The following ZNF804B variants were observed in gnomAD, a reference collection of about 807,000 sequenced individuals.
The protein encoded by ZNF804B is zinc finger protein 804B.
Under a neutral mutation model 101.4 loss-of-function variants are expected in ZNF804B, and 80 were observed. The ratio of observed to expected loss-of-function variants is 0.79; its 90% CI spans 0.66 to 0.95. ZNF804B has a LOEUF of 0.95. Among genes scored for constraint, ZNF804B ranks in the 40% least tolerant of loss-of-function variants. ZNF804B has a pLI of 0.00. For missense variants in ZNF804B, 1,673 were observed against 1,561.9 expected, an observed-to-expected ratio of 1.07 and a Z score of -1.20; for synonymous variants, 622 against 558.8, an observed-to-expected ratio of 1.11 and a Z score of -1.59.
At chr7:88,812,047 A>G (rs1273809914) in intron 1 of ZNF804B, among the ~76,000 whole-genome samples, 1 of 152,096 alleles carries the variant, frequency 6.6e-6, no homozygotes, top group Non-Finnish European at 1.5e-5. Flanking sequence ...TACACTGGAA[A>G]TCTCCGCTTC....
intron 1 of ZNF804B, among the ~76,000 whole-genome samples, chr7:88,941,410 A>C (rs562277924): frequency 1.3e-5 from 2 of 152,074 alleles, no homozygotes; most frequent in Non-Finnish European, 1.5e-5. Flanking sequence ...CATTTAGATA[A>C]GGGAATATTA....
intron 2 of ZNF804B, among the ~76,000 whole-genome samples, chr7:89,269,326 T>A (rs1418762267): frequency 6.6e-6 from 1 of 152,166 alleles, no homozygotes; most frequent in Non-Finnish European, 1.5e-5. Flanking sequence ...TGGTTTTTTG[T>A]CCTTGTGATA....
chr7:88,836,154 C>T (rs1791212526), intron 1 of ZNF804B, among the ~76,000 whole-genome samples: 1 of 151,914 alleles, frequency 6.6e-6, no homozygotes, highest in Admixed American at 6.6e-5. Context: ...AATTAGTTAA[C>T]ACCACGTTTT....
chr7:88,865,412 G>GT (rs1473269737), intron 1 of ZNF804B, among the ~76,000 whole-genome samples: 1 of 151,800 alleles, frequency 6.6e-6, no homozygotes, highest in African/African-American at 2.4e-5. Flanking sequence ...TGCACCTGTG[G>GT]TCCCAGCTAC....
At chr7:88,897,968 T>G (rs975282524) in intron 1 of ZNF804B, among the ~76,000 whole-genome samples, 1 of 151,488 alleles carries the variant, frequency 6.6e-6, no homozygotes, top group Admixed American at 6.6e-5. Flanking sequence ...TACCTTCATA[T>G]CTACTGAAAT....
intron 1 of ZNF804B, among the ~76,000 whole-genome samples, chr7:88,981,929 T>C (rs1793699234): frequency 6.6e-6 from 1 of 152,052 alleles, no homozygotes; most frequent in Admixed American, 6.6e-5. Context: ...CTTTCCTTGA[T>C]ATGATGTTAA....
chr7:89,272,760 A>C (rs1340298269), intron 2 of ZNF804B, among the ~76,000 whole-genome samples: 3 of 152,132 alleles, frequency 2.0e-5, no homozygotes, highest in Admixed American at 2.0e-4. Flanking sequence ...ATAGGTGGAA[A>C]GTTTTCTTAA....
rs869050718 is a variant in ZNF804B at position 88,898,073 on chromosome 7, C to CTTTTT, written c.108+138016_108+138020dup. Among the ~76,000 whole-genome samples the CTTTTT allele has an allele frequency of 8.1e-4, 46 of 56,594 alleles. 8 individuals carry two copies. Among genetic ancestry groups the CTTTTT allele is most frequent in the Non-Finnish European group, 1.1e-3 (38 of 33,354 alleles). The allele number at this position is 56,594 out of a possible 152,430, so 37.1% of individuals were successfully genotyped here. A position where few individuals can be genotyped will look rare whatever the true frequency, so the allele number is the denominator to read the frequency against. On this transcript the variant is annotated intron_variant, in intron 1 of 3. Transcript: ENST00000333190. ...CCTCCTTCCTATATTACTTCTCCATCTTTTTTTTTTTTTTTTTTTTTTTTT... is the reference window on the plus strand; with the variant it reads ...CCTCCTTCCTATATTACTTCTCCATCTTTTTTTTTTTTTTTTTTTTTTTTTTTTTT...
chr7:88,942,538 T>C (rs979584968), intron 1 of ZNF804B, among the ~76,000 whole-genome samples: 4 of 148,862 alleles, frequency 2.7e-5, no homozygotes, highest in Admixed American at 1.3e-4. Context: ...GTGTTTTGCA[T>C]TGAATTATCG....
chr7:88,782,605 T>C (rs960186451), intron 1 of ZNF804B, among the ~76,000 whole-genome samples: 7 of 152,166 alleles, frequency 4.6e-5, no homozygotes, highest in Admixed American at 1.3e-4. Context: ...ATCAAAGAGA[T>C]ATTTTGATGC....
At chr7:89,059,564 G>A (rs758680817) in intron 1 of ZNF804B, among the ~76,000 whole-genome samples, 10 of 152,122 alleles carry the variant, frequency 6.6e-5, no homozygotes, top group Non-Finnish European at 1.3e-4. Context: ...CCATGATCCA[G>A]TACCTCCCAC....
chr7:89,210,332 G>A (rs1038505975), intron 1 of ZNF804B, among the ~76,000 whole-genome samples: 6 of 152,046 alleles, frequency 3.9e-5, no homozygotes, highest in African/African-American at 1.4e-4. Context: ...AAATTTGCTA[G>A]CTTTATTTTT....
At chr7:89,118,213 C>G (rs75278214) in intron 1 of ZNF804B, among the ~76,000 whole-genome samples, 5,369 of 152,206 alleles carry the variant, frequency 0.035, 102 homozygotes, top group African/African-American at 0.048. Context: ...TTCATATTCC[C>G]ATTTTAAAGT....
At chr7:88,839,296 C>A (rs755983433) in intron 1 of ZNF804B, among the ~76,000 whole-genome samples, 4 of 151,926 alleles carry the variant, frequency 2.6e-5, no homozygotes, top group Non-Finnish European at 5.9e-5. Flanking sequence ...ATATTAGGTA[C>A]CAGGCTAAGT....
rs1474321570 is a variant in ZNF804B at position 89,102,956 on chromosome 7, T to C, written c.109-115199T>C. Among the ~76,000 whole-genome samples the C allele has an allele frequency of 2.0e-5, 3 of 151,364 alleles. No individual in the cohort carries two copies. The East Asian group carries it at 5.8e-4, about 29-fold the overall frequency. The stretch of plus-strand genomic sequence containing the variant: ...TGAATAGGATGTCCTTTCCCAATTG[T>C]TTATTTTTGTTGACATTATCAAAGA... On this transcript the variant is annotated intron_variant, in intron 1 of 3. Coordinates refer to ENST00000333190, the MANE Select transcript of ZNF804B (RefSeq NM_181646.5).
chr7:88,884,596 C>T (rs1374020074), intron 1 of ZNF804B, among the ~76,000 whole-genome samples: 1 of 151,788 alleles, frequency 6.6e-6, no homozygotes, highest in Non-Finnish European at 1.5e-5. Flanking sequence ...AGACAAGAAG[C>T]TTGGCATTTT....
At chr7:88,855,031 T>A (rs1263222353) in intron 1 of ZNF804B, among the ~76,000 whole-genome samples, 1 of 152,078 alleles carries the variant, frequency 6.6e-6, no homozygotes, top group African/African-American at 2.4e-5. Context: ...TGGTTCCAAG[T>A]CTTTGCTATT....
chr7:89,181,855 G>C (rs1788303099), intron 1 of ZNF804B, among the ~76,000 whole-genome samples: 1 of 152,126 alleles, frequency 6.6e-6, no homozygotes, highest in South Asian at 2.1e-4. Flanking sequence ...CTTATGATTT[G>C]TTCCCTTATT....
chr7:89,218,281 C>A lies in ZNF804B; in HGVS notation c.235C>A (p.His79Asn). 1 of 1,613,588 alleles carries A rather than the reference C, an allele frequency of 6.2e-7. No individual in the cohort carries two copies. The highest frequency in any genetic ancestry group is 1.1e-5 in the South Asian group (1 of 91,000). ...TGACAATCATATTAATTCTTATGAC[C>A]ATGCTCATAAGCAGGTAAGGCAAAG... ...EFDNHINSYD[H>N]AHKQRLKELK... The change falls in exon 2 of 4, where the codon CAT becomes AAT. Residue 79 changes from histidine (H) to asparagine (N), a missense_variant. Coordinates refer to ENST00000333190, the MANE Select transcript of ZNF804B (RefSeq NM_181646.5).
Sources: gnomAD v4.1 joint callset for allele counts (sites outside exome capture counted in the v4.1 genomes callset) on GRCh38, gnomAD v4.1.1 for gene constraint, MANE v1.5 for transcripts, NCBI Gene and HGNC (gene_info 2026-07-23, HGNC 2026-07-21) for gene names.